THEMIS2: variants seen among roughly 807,000 people sequenced by gnomAD.
THEMIS2 encodes the protein thymocyte selection associated family member 2, also known as protein THEMIS2.
Under a neutral mutation model 46.8 loss-of-function variants are expected in THEMIS2, and 29 were observed. The ratio of observed to expected loss-of-function variants is 0.62; its 90% CI spans 0.46 to 0.84. THEMIS2 has a LOEUF of 0.84. Among genes scored for constraint, THEMIS2 ranks in the 40% least tolerant of loss-of-function variants. The pLI is 0.00. For missense variants in THEMIS2, 698 were observed against 834.7 expected, an observed-to-expected ratio of 0.84 and a Z score of 2.02; for synonymous variants, 335 against 349.1, an observed-to-expected ratio of 0.96 and a Z score of 0.45.
Position 27,885,315 on chromosome 1 carries a change from G to T in THEMIS2, c.1740G>T (p.Leu580Phe). Reference protein sequence around the residue: ...GGVKSSQVLGLQQHARLPKPK... With the variant: ...GGVKSSQVLGFQQHARLPKPK... ...CAAAGTCTTCTCAAGTCTTAGGATT[G>T]CAGCAACACGCTCGGCTGCCCAAAC... Residue 580 changes from leucine to phenylalanine, a missense_variant, in exon 5 of 6, where the codon TTG (leucine) becomes TTT (phenylalanine). Coordinates refer to ENST00000373921, the MANE Select transcript of THEMIS2 (RefSeq NM_001105556.3). The T allele has an allele frequency of 6.2e-7, 1 of 1,614,122 alleles. No homozygotes were observed. The highest frequency in any genetic ancestry group is 8.5e-7 in the Non-Finnish European group (1 of 1,180,004).
At position 27,872,579 on chromosome 1, in the gene THEMIS2, C is replaced by G; in HGVS notation, c.8C>G (p.Pro3Arg). ME[P>R]VPLQDFVRAL... is the part of the protein sequence containing the mutation. ...CAGAGAGCCGCGGGGACCATGGAGC[C>G]GGTGCCGCTGCAGGACTTCGTGCGC... The change falls in exon 1 of 6, where the codon CCG becomes CGG. Residue 3 changes from proline to arginine, a missense_variant. Physicochemically the swap from Pro to Arg is moderately radical, Grantham distance 103. Coordinates refer to ENST00000373921, the MANE Select transcript of THEMIS2 (RefSeq NM_001105556.3). This position sits in a 1 kb window ranked among gnomAD's most constrained non-coding sequence, Gnocchi z 4.9. 1.3e-6 allele frequency: 2 copies of G among 1,489,630 alleles called. No homozygotes were observed. Among genetic ancestry groups the G allele is most frequent in the Non-Finnish European group, 1.8e-6 (2 of 1,122,416 alleles). The allele number at this position is 1,489,630 out of a possible 1,614,324, so 92.3% of individuals were successfully genotyped here.
At chr1:27,875,848 C>A (rs928030707) in intron 1 of THEMIS2, among the ~76,000 whole-genome samples, 1 of 151,978 alleles carries the variant, frequency 6.6e-6, no homozygotes, top group East Asian at 1.9e-4. Flanking sequence ...CTACAGGTGC[C>A]CGCCACCATG....
rs1571578085 is a variant in THEMIS2, at chr1:27,876,640, G to A, written c.147G>A (p.Leu49=). The A allele has an allele frequency of 5.0e-6, 8 of 1,614,024 alleles. No homozygotes were observed. The East Asian group carries it at 1.8e-4, about 36-fold the overall frequency. Residue 49 remains leucine, a synonymous_variant, in exon 2 of 6, where the codon CTG becomes CTA. Coordinates refer to ENST00000373921, the MANE Select transcript of THEMIS2 (RefSeq NM_001105556.3). ...GNECCLSTGD[L]IKVTQVRLQK... is the part of the protein sequence containing the mutation. ...AGTGCTGCCTCTCCACGGGGGACCTGATCAAGGTCACCCAGGTCCGCCTCC... is the reference window on the plus strand; with the variant it reads ...AGTGCTGCCTCTCCACGGGGGACCTAATCAAGGTCACCCAGGTCCGCCTCC...
Position 27,882,057 on chromosome 1 carries a change from A to G in THEMIS2, c.733A>G (p.Lys245Glu). 6.3e-7 allele frequency: 1 copy of G among 1,594,762 alleles called. No individual in the cohort carries two copies. Residue 245 changes from lysine to glutamate, a missense_variant, in exon 4 of 6, where the codon AAA becomes GAA. Lys to Glu is a moderately conservative substitution (Grantham distance 56). Coordinates refer to ENST00000373921, the MANE Select transcript of THEMIS2 (RefSeq NM_001105556.3). This position sits in a 1 kb window ranked among gnomAD's most constrained non-coding sequence, Gnocchi z 7.6. Reference sequence around the variant, plus strand: ...CTCCTCCCGGCACGTCCACTTTATCAAACCGCTGCTGCTGAGCGAGGTCCT... The same window carrying G: ...CTCCTCCCGGCACGTCCACTTTATCGAACCGCTGCTGCTGAGCGAGGTCCT... ...TASSRHVHFI[K>E]PLLLSEVLAW... is the part of the protein sequence containing the mutation.
chr1:27,876,980 C>G (rs113239009), intron 2 of THEMIS2, among the ~76,000 whole-genome samples: 3 of 152,216 alleles, frequency 2.0e-5, no homozygotes, highest in African/African-American at 7.2e-5. Context: ...CAAGCCCTGT[C>G]CAGGTGCCTG....
Position 27,882,532 on chromosome 1 carries a change from G to A in THEMIS2, c.1208G>A (p.Gly403Glu). 1 of 1,614,074 alleles carries A rather than the reference G, an allele frequency of 6.2e-7. No individual in the cohort carries two copies. The highest frequency in any genetic ancestry group is 8.5e-7 in the Non-Finnish European group (1 of 1,179,966). The change falls in exon 4 of 6, where the codon GGG becomes GAG. Residue 403 changes from glycine to glutamate, a missense_variant. Coordinates refer to ENST00000373921, the MANE Select transcript of THEMIS2 (RefSeq NM_001105556.3). The surrounding 1 kb of genome is among the most constrained non-coding windows in gnomAD (Gnocchi z 7.6). ...TGTCAGCGGCTGAGTGACCAGGCTG[G>A]GGAGGATGAGGAGGAAGAGTGCAAA... ...LVCQRLSDQA[G>E]EDEEEECKEE...
rs1016068166 is a variant in THEMIS2 at position 27,872,749 on chromosome 1, G to A, written c.94+84G>A. On this transcript the variant is annotated intron_variant, in intron 1 of 5. Coordinates refer to ENST00000373921, the MANE Select transcript of THEMIS2 (RefSeq NM_001105556.3). The surrounding 1 kb of genome is among the most constrained non-coding windows in gnomAD (Gnocchi z 4.9). Reference sequence around the variant, plus strand: ...CCGGAGAAGACGTTAGCAATCCGGGGAAACTGCCCCTGGGTTCAAATCCCG... The same window carrying A: ...CCGGAGAAGACGTTAGCAATCCGGGAAAACTGCCCCTGGGTTCAAATCCCG... 5 of 1,119,774 alleles carry A rather than the reference G, an allele frequency of 4.5e-6. No homozygotes were observed. Among genetic ancestry groups the A allele is most frequent in the Non-Finnish European group, 4.6e-6 (4 of 874,418 alleles). 69.4% of individuals were successfully genotyped at this position (1,119,774 alleles called of 1,614,324 possible). A position where few individuals can be genotyped will look rare whatever the true frequency, so the allele number is the denominator to read the frequency against.
chr1:27,874,301 T>G (rs1305725646), intron 1 of THEMIS2, among the ~76,000 whole-genome samples: 1 of 151,910 alleles, frequency 6.6e-6, no homozygotes, highest in African/African-American at 2.4e-5. Flanking sequence ...TCCCAAAGTG[T>G]TAGGATTACA....
intron 2 of THEMIS2, 40 bp downstream of exon 2, chr1:27,876,768 T>A: frequency 6.2e-7 from 1 of 1,606,714 alleles, no homozygotes; most frequent in Non-Finnish European, 8.5e-7. Context: ...GCCCTGGCAC[T>A]CTCCTGGCAC....
At position 27,872,750 on chromosome 1, in the gene THEMIS2, A is replaced by T; in HGVS notation, c.94+85A>T. 9.0e-7 allele frequency: 1 copy of T among 1,114,356 alleles called. No homozygotes were observed. The highest frequency in any genetic ancestry group is 1.2e-6 in the Non-Finnish European group (1 of 869,548). 69.0% of individuals were successfully genotyped at this position (1,114,356 alleles called of 1,614,324 possible). On this transcript the variant is annotated intron_variant, in intron 1 of 5. Transcript: ENST00000373921. The surrounding 1 kb of genome is among the most constrained non-coding windows in gnomAD (Gnocchi z 4.9). The stretch of plus-strand genomic sequence containing the variant: ...CGGAGAAGACGTTAGCAATCCGGGG[A>T]AACTGCCCCTGGGTTCAAATCCCGA...
Position 27,885,864 on chromosome 1 carries a change from C to A in THEMIS2, c.1877-3C>A. 6.2e-7 allele frequency: 1 copy of A among 1,613,912 alleles called. No individual in the cohort carries two copies. The highest frequency in any genetic ancestry group is 8.5e-7 in the Non-Finnish European group (1 of 1,179,910). ...ATCCTCATTGACTCGGACTCTTTTG[C>A]AGATGATGATGAACATGATTATGAA... On this transcript the variant is annotated splice_region_variant and splice_polypyrimidine_tract_variant and intron_variant, in intron 5 of 5. Transcript: ENST00000373921.
intron 1 of THEMIS2, among the ~76,000 whole-genome samples, chr1:27,875,705 A>G (rs1215502669): frequency 6.6e-6 from 1 of 151,412 alleles, no homozygotes; most frequent in Non-Finnish European, 1.5e-5. Context: ...ATTTTTATTT[A>G]TTATTTTTTT....
chr1:27,880,307 C>G (rs566072049), intron 3 of THEMIS2, among the ~76,000 whole-genome samples: 1 of 152,180 alleles, frequency 6.6e-6, no homozygotes, highest in Non-Finnish European at 1.5e-5. Context: ...GCCTCAGCCT[C>G]CCGAGTAGCT....
Position 27,872,768 on chromosome 1 carries a change from A to G in THEMIS2, c.94+103A>G. 1 of 953,264 alleles carries G rather than the reference A, an allele frequency of 1.0e-6. No individual in the cohort carries two copies. 59.1% of individuals were successfully genotyped at this position (953,264 alleles called of 1,614,324 possible). A position where few individuals can be genotyped will look rare whatever the true frequency, so the allele number is the denominator to read the frequency against. ...TCCGGGGAAACTGCCCCTGGGTTCA[A>G]ATCCCGACACTGCCACTGGCCAAGC... On this transcript the variant is annotated intron_variant, in intron 1 of 5. Transcript: ENST00000373921. This position sits in a 1 kb window ranked among gnomAD's most constrained non-coding sequence, Gnocchi z 4.9.
intron 4 of THEMIS2, chr1:27,884,800 G>A (rs1316768223): frequency 1.3e-5 from 2 of 158,102 alleles, no homozygotes; most frequent in African/African-American, 4.8e-5. Context: ...CCTTTGACAA[G>A]GCACACTTTC....
intron 1 of THEMIS2, among the ~76,000 whole-genome samples, chr1:27,875,724 G>A (rs1458224761): frequency 6.6e-5 from 10 of 151,236 alleles, no homozygotes; most frequent in East Asian, 5.8e-4. Flanking sequence ...TTTTTGAGAC[G>A]GAGTCTCACT....
chr1:27,885,201 A>C, intron 4 of THEMIS2, 94 bp from the exon 5 acceptor site: 2 of 1,329,988 alleles, frequency 1.5e-6, no homozygotes, highest in South Asian at 2.7e-5. Context: ...AGAGAGAAGC[A>C]GAGGAAGTGA....
At chr1:27,881,590 G>T (rs1342662572) in intron 3 of THEMIS2, among the ~76,000 whole-genome samples, 2 of 152,184 alleles carry the variant, frequency 1.3e-5, no homozygotes, top group East Asian at 3.9e-4. Context: ...CACTTTGGGA[G>T]GCCAAGGTGG....
chr1:27,879,859 G>A lies in THEMIS2; in HGVS notation c.451G>A (p.Glu151Lys). 2 of 1,613,180 alleles carry A rather than the reference G, an allele frequency of 1.2e-6. No homozygotes were observed. The highest frequency in any genetic ancestry group is 1.7e-6 in the Non-Finnish European group (2 of 1,179,252). Residue 151 changes from glutamate (E) to lysine (K), a missense_variant, in exon 3 of 6, where the codon GAG becomes AAG. Transcript: ENST00000373921. ...IRSARCVLGM[E>K]GQQVILHLPL... ...CTCTGCCCGCTGTGTCCTGGGCATG[G>A]AGGGTCAGCAGGTCATCCTGCACCT...
Sources: allele counts gnomAD v4.1 joint callset (sites outside exome capture counted in the v4.1 genomes callset), GRCh38; gene constraint gnomAD v4.1.1; non-coding constraint Gnocchi (gnomAD v3.1); transcripts MANE v1.5; gene names NCBI Gene and HGNC (gene_info 2026-07-23, HGNC 2026-07-21).